EFR3A: variants seen among roughly 807,000 people sequenced by gnomAD.
EFR3A encodes EFR3 homolog A, also known as protein EFR3 homolog A.
In EFR3A, 76 loss-of-function variants were observed where a neutral mutation model predicts 104.4. The ratio of observed to expected loss-of-function variants is 0.73; its 90% confidence interval spans 0.60 to 0.88. The LOEUF is 0.88. Among genes scored for constraint, EFR3A ranks in the 40% least tolerant of loss-of-function variants. The pLI, the probability that EFR3A is intolerant of heterozygous loss-of-function variation, is 0.00. For synonymous variants in EFR3A, 330 were observed against 330.0 expected (o/e 1.00, Z 0.00); for missense variants, 985 against 1,012.5 (o/e 0.97, Z 0.37).
chr8:131,998,241 T>A (rs1291612785), intron 19 of EFR3A, among the ~76,000 whole-genome samples: 1 of 152,056 alleles, frequency 6.6e-6, no homozygotes, highest in Non-Finnish European at 1.5e-5. Flanking sequence ...CAGGAGAAAT[T>A]CACATCAGAT....
chr8:131,978,888 G>T lies in EFR3A; in HGVS notation c.1368G>T (p.Leu456=), dbSNP rs750038636. The T allele has an allele frequency of 2.5e-6, 4 of 1,611,248 alleles. No individual in the cohort carries two copies. The highest frequency in any genetic ancestry group is 3.4e-6 in the Non-Finnish European group (4 of 1,178,592). Residue 456 remains leucine, a synonymous_variant, in exon 13 of 23, where the codon CTG becomes CTT. Transcript: ENST00000254624. The part of the protein sequence containing the change: ...GYKAKTIVTA[L]PGSFLDPLLS... ...AAGCGAAGACGATTGTTACTGCACT[G>T]CCAGGGTCTTTCCTGGATCCTTTGT...
chr8:132,011,602 A>T lies in EFR3A; in HGVS notation c.*707A>T, dbSNP rs1265412484. 7 of 202,722 alleles carry T rather than the reference A, an allele frequency of 3.5e-5. No homozygotes were observed. In the Admixed American group the frequency reaches 3.9e-4, roughly 11 times the overall value. The allele number at this position is 202,722 out of a possible 1,614,324, so 12.6% of individuals were successfully genotyped here. On this transcript the variant is annotated 3_prime_UTR_variant, in exon 23 of 23. Coordinates refer to ENST00000254624, the MANE Select transcript of EFR3A (RefSeq NM_015137.6). The stretch of plus-strand genomic sequence containing the variant: ...TGAGAAGTGTAGAGCTTACTCTTGG[A>T]GTACCAAACTGTGCAATATTTTTAC...
At position 131,978,827 on chromosome 8, in the gene EFR3A, G is replaced by T; in HGVS notation, c.1327-20G>T. ...AAGGACTCATGACAAAAGGTTGTTTGTTTTCTTCTCGATAATCAGGTGACC... is the reference window on the plus strand; with the variant it reads ...AAGGACTCATGACAAAAGGTTGTTTTTTTTCTTCTCGATAATCAGGTGACC... On this transcript the variant is annotated intron_variant, in intron 12 of 22. Coordinates refer to ENST00000254624, the MANE Select transcript of EFR3A (RefSeq NM_015137.6). 1 of 1,498,662 alleles carries T rather than the reference G, an allele frequency of 6.7e-7. No homozygotes were observed. The highest frequency in any genetic ancestry group is 8.9e-7 in the Non-Finnish European group (1 of 1,122,838). The allele number at this position is 1,498,662 out of a possible 1,614,324, so 92.8% of individuals were successfully genotyped here.
chr8:131,986,270 A>G lies in EFR3A; in HGVS notation c.1937+9A>G. ...TTCAGAGATAAGTGCATGTATGTTA[A>G]TTCTTTACATTTTAAGGATGGGGTA... On this transcript the variant is annotated intron_variant, in intron 17 of 22. Transcript: ENST00000254624. The G allele has an allele frequency of 6.8e-7, 1 of 1,479,498 alleles. No homozygotes were observed. The highest frequency in any genetic ancestry group is 9.4e-7 in the Non-Finnish European group (1 of 1,067,044). 91.6% of individuals were successfully genotyped at this position (1,479,498 alleles called of 1,614,324 possible). A position where few individuals can be genotyped will look rare whatever the true frequency, so the allele number is the denominator to read the frequency against.
chr8:131,984,246 A>T lies in EFR3A; in HGVS notation c.1683A>T (p.Glu561Asp), dbSNP rs1820763510. 2.5e-6 allele frequency: 4 copies of T among 1,610,410 alleles called. No homozygotes were observed. Among genetic ancestry groups the T allele is most frequent in the Non-Finnish European group, 3.4e-6 (4 of 1,178,268 alleles). Residue 561 changes from glutamate (E) to aspartate (D), a missense_variant, in exon 15 of 23, where the codon GAA (glutamate) becomes GAT (aspartate). Glu to Asp is a conservative substitution (Grantham distance 45). Transcript: ENST00000254624. ...CTTCTCTTGCTCTTATAACTATTGA[A>T]CTGGCTAATGAAGAAGTAGTTATTG... is the stretch of plus-strand genomic sequence containing the variant. ...LYTSLALITI[E>D]LANEEVVIDL...
At chr8:131,961,008 G>T (rs1819288643) in intron 8 of EFR3A, among the ~76,000 whole-genome samples, 1 of 152,182 alleles carries the variant, frequency 6.6e-6, no homozygotes, top group African/African-American at 2.4e-5. Context: ...GGTCCTGACT[G>T]TTAGAAGGAA....
chr8:131,904,318 T>C lies in EFR3A; in HGVS notation c.6T>C (p.Pro2=). ...CGAGCGCGGTCGAGATCGCCATGCC[T>C]ACCCGTGAGTGGCCGGCCGAGGGCC... The part of the protein sequence containing the change: M[P]TRVCCCCSAL... The change falls in exon 1 of 23, where the codon CCT becomes CCC. Residue 2 remains proline, a synonymous_variant. Coordinates refer to ENST00000254624, the MANE Select transcript of EFR3A (RefSeq NM_015137.6). 8.0e-7 allele frequency: 1 copy of C among 1,257,642 alleles called. No individual in the cohort carries two copies. Among genetic ancestry groups the C allele is most frequent in the Non-Finnish European group, 1.0e-6 (1 of 1,000,324 alleles). The allele number at this position is 1,257,642 out of a possible 1,614,324, so 77.9% of individuals were successfully genotyped here.
rs1821494944 is a variant in EFR3A, at chr8:131,996,487, CTGA to C, written c.2153_2155del (p.Asp718del). 1 of 1,592,900 alleles carries C rather than the reference CTGA, an allele frequency of 6.3e-7. No homozygotes were observed. Among genetic ancestry groups the C allele is most frequent in the African/African-American group, 1.3e-5 (1 of 74,214 alleles). On this transcript the variant is annotated inframe_deletion, in exon 19 of 23. Coordinates refer to ENST00000254624, the MANE Select transcript of EFR3A (RefSeq NM_015137.6). ...GATATTTTATCCAACAATGTTCCTT[CTGA>C]TGATGTGGTAAGTTACTGAAAGTTT...
chr8:131,987,455 A>C (rs371500899), intron 17 of EFR3A, 120 bp from the exon 18 acceptor site: 1 of 1,124,118 alleles, frequency 8.9e-7, no homozygotes, highest in Non-Finnish European at 1.2e-6. Context: ...CTGCTACTAC[A>C]GTTTACATTG....
In EFR3A at chr8:131,985,065, T is replaced by G; in HGVS notation, c.1869+5T>G. 6.2e-7 allele frequency: 1 copy of G among 1,611,458 alleles called. No individual in the cohort carries two copies. Among genetic ancestry groups the G allele is most frequent in the Non-Finnish European group, 8.5e-7 (1 of 1,178,408 alleles). ...TTTTGCCAGCATGTTAGCAAGGTAA[T>G]GTATTTAGAAAAGTCCTTAAACTTG... On this transcript the variant is annotated splice_donor_5th_base_variant and intron_variant, in intron 16 of 22. Coordinates refer to ENST00000254624, the MANE Select transcript of EFR3A (RefSeq NM_015137.6).
intron 14 of EFR3A, 129 bp downstream of exon 14, chr8:131,979,550 G>A (rs1218228394): frequency 5.0e-6 from 3 of 601,076 alleles, no homozygotes; most frequent in East Asian, 3.0e-5. Context: ...ACCTCAAGAC[G>A]CCATCTTCAG....
At chr8:131,939,401 C>A (rs551344330) in intron 1 of EFR3A, among the ~76,000 whole-genome samples, 1 of 152,194 alleles carries the variant, frequency 6.6e-6, no homozygotes, top group Admixed American at 6.5e-5. Context: ...ACCTAAGCTT[C>A]CCAAAAGTGG....
rs1245562921 is a variant in EFR3A, at chr8:131,916,839, G to A, written c.10+12517G>A. The stretch of plus-strand genomic sequence containing the variant: ...TTGATCTGATATGATGACAATAAAG[G>A]TAATTTATGAAACAATTTTTTTTAA... On this transcript the variant is annotated intron_variant, in intron 1 of 22. Transcript: ENST00000254624. 3.9e-5 allele frequency among the ~76,000 whole-genome samples: 6 copies of A among 152,298 alleles called. No homozygotes were observed. In the East Asian group the frequency reaches 1.2e-3, roughly 29 times the overall value.
intron 17 of EFR3A, 64 bp from the exon 18 acceptor site, chr8:131,987,511 A>G: frequency 1.3e-6 from 2 of 1,499,638 alleles, no homozygotes; most frequent in Non-Finnish European, 8.9e-7. Flanking sequence ...AATGTTTTGC[A>G]TAGTAACTTA....
chr8:131,980,763 C>T (rs1411393816), intron 14 of EFR3A, among the ~76,000 whole-genome samples: 1 of 151,900 alleles, frequency 6.6e-6, no homozygotes, highest in Non-Finnish European at 1.5e-5. Context: ...AACTTAACTC[C>T]TTCTATCTGT....
At chr8:131,904,753 C>CCAGA (rs552713784) in intron 1 of EFR3A, among the ~76,000 whole-genome samples, 99 of 152,360 alleles carry the variant, frequency 6.5e-4, no homozygotes, top group African/African-American at 2.3e-3. Context: ...CCCGCGGCCG[C>CCAGA]CAGACAGACC....
chr8:131,931,541 T>C (rs535949623), intron 1 of EFR3A, among the ~76,000 whole-genome samples: 1 of 152,274 alleles, frequency 6.6e-6, no homozygotes, highest in East Asian at 1.9e-4. Context: ...TCTGTAATGT[T>C]GATTTCTTAC....
chr8:131,983,065 C>T lies in EFR3A; in HGVS notation c.1576-1074C>T, dbSNP rs184269167. On this transcript the variant is annotated intron_variant, in intron 14 of 22. Transcript: ENST00000254624. The stretch of plus-strand genomic sequence containing the variant: ...ACCTCAGTGCATATTAAATAGAGAA[C>T]AGAGCAGAATGCATACTTGTTACAG... Among the ~76,000 whole-genome samples, 1,011 of 152,248 alleles carry T rather than the reference C, an allele frequency of 6.6e-3. 4 individuals carry two copies. Among genetic ancestry groups the T allele is most frequent in the Middle Eastern group, 0.017 (5 of 294 alleles).
chr8:132,004,079 TTCAG>T (rs1030908956), intron 22 of EFR3A, among the ~76,000 whole-genome samples: 1 of 152,206 alleles, frequency 6.6e-6, no homozygotes, highest in African/African-American at 2.4e-5. Flanking sequence ...GCTTTTTTGT[TTCAG>T]TCTTTTTTCT....
Sources: gnomAD v4.1 joint callset for allele counts (sites outside exome capture counted in the v4.1 genomes callset) on GRCh38, gnomAD v4.1.1 for gene constraint, MANE v1.5 for transcripts, NCBI Gene and HGNC (gene_info 2026-07-23, HGNC 2026-07-21) for gene names.